BAIAP2L1: variants seen among roughly 807,000 people sequenced by gnomAD.
BAIAP2L1 encodes the protein BAR/IMD domain-containing adapter protein 2-like 1.
BAIAP2L1 carries 35 observed loss-of-function variants against 66.3 expected under a neutral mutation model. The observed-to-expected ratio is 0.53, with a 90% CI of 0.40 to 0.70. The LOEUF (loss-of-function observed/expected upper bound fraction) is 0.70. Among genes scored for constraint, BAIAP2L1 ranks in the 30% least tolerant of loss-of-function variants. The pLI, the probability that BAIAP2L1 is intolerant of heterozygous loss-of-function variation, is 0.00. For missense variants in BAIAP2L1, 622 were observed against 656.9 expected, an observed-to-expected ratio of 0.95 and a Z score of 0.58; for synonymous variants, 269 against 248.7, an observed-to-expected ratio of 1.08 and a Z score of -0.77.
intron 10 of BAIAP2L1, chr7:98,307,424 A>G: frequency 7.7e-7 from 1 of 1,307,166 alleles, no homozygotes; most frequent in Non-Finnish European, 9.8e-7. Flanking sequence ...ATTTTTTTTA[A>G]AAACAAAAGA....
Position 98,310,546 on chromosome 7 carries a change from G to T in BAIAP2L1, c.854C>A (p.Pro285His). The T allele has an allele frequency of 6.3e-7, 1 of 1,592,884 alleles. No homozygotes were observed. Among genetic ancestry groups the T allele is most frequent in the Non-Finnish European group, 8.5e-7 (1 of 1,174,082 alleles). The change falls in exon 9 of 14, where the codon CCC (proline) becomes CAC (histidine). Residue 285 changes from proline (P) to histidine (H), a missense_variant. Physicochemically the swap from Pro to His is moderately conservative, Grantham distance 77. Transcript: ENST00000005260. ...ATATGCTCTGCCTGAAGGAGCGGGG[G>T]GCATCTTTGGTGAGCATTTAGAAAG... ...DTLSKCSPKM[P>H]PAPSGRAYTS...
intron 3 of BAIAP2L1, among the ~76,000 whole-genome samples, chr7:98,352,655 C>T (rs951709517): frequency 6.6e-6 from 1 of 151,992 alleles, no homozygotes; most frequent in Admixed American, 6.6e-5. Flanking sequence ...AAAACAAAAA[C>T]AAAAAATACC....
chr7:98,295,814 T>A (rs1315326355), intron 12 of BAIAP2L1, among the ~76,000 whole-genome samples: 1 of 151,886 alleles, frequency 6.6e-6, no homozygotes, highest in African/African-American at 2.4e-5. Flanking sequence ...CACGGGACTT[T>A]AAAAAGGTCC....
At chr7:98,395,896 G>A (rs200603305) in intron 1 of BAIAP2L1, among the ~76,000 whole-genome samples, 5 of 151,994 alleles carry the variant, frequency 3.3e-5, no homozygotes, top group East Asian at 1.9e-4. Context: ...CGGGCATGGC[G>A]GTGCATGTGG....
intron 4 of BAIAP2L1, 34 bp from the exon 5 acceptor site, chr7:98,320,163 T>G: frequency 1.3e-6 from 2 of 1,598,254 alleles, no homozygotes; most frequent in Non-Finnish European, 1.7e-6. Context: ...CATACCAGGT[T>G]TGAGATTTTA....
chr7:98,386,567 G>A, intron 1 of BAIAP2L1: 10 of 1,596,470 alleles, frequency 6.3e-6, no homozygotes, highest in Non-Finnish European at 8.5e-6. Flanking sequence ...TAAGGCGCTT[G>A]TTCTTGCCAA....
chr7:98,374,569 TTA>T (rs748561760), intron 1 of BAIAP2L1, among the ~76,000 whole-genome samples: 40 of 152,288 alleles, frequency 2.6e-4, no homozygotes, highest in Non-Finnish European at 4.3e-4. Flanking sequence ...AAAATGCATT[TTA>T]TGAGATCAGA....
intron 1 of BAIAP2L1, among the ~76,000 whole-genome samples, chr7:98,364,966 G>T (rs1244203514): frequency 2.5e-5 from 3 of 118,574 alleles, no homozygotes; most frequent in Non-Finnish European, 4.9e-5. Flanking sequence ...CAATTTGGGT[G>T]ACAGAGTGAG....
chr7:98,370,863 A>T (rs1802496992), intron 1 of BAIAP2L1, among the ~76,000 whole-genome samples: 1 of 152,116 alleles, frequency 6.6e-6, no homozygotes, highest in Non-Finnish European at 1.5e-5. Flanking sequence ...TAGTTATTTT[A>T]GCTGAAGTAC....
intron 2 of BAIAP2L1, among the ~76,000 whole-genome samples, chr7:98,361,911 A>G (rs2115724756): frequency 6.6e-6 from 1 of 152,182 alleles, no homozygotes; most frequent in South Asian, 2.1e-4. Context: ...AATTTCATTC[A>G]AGCTAAAAAT....
chr7:98,293,436 G>T lies in BAIAP2L1; in HGVS notation c.*85C>A. The T allele has an allele frequency of 1.5e-6, 2 of 1,297,276 alleles. No homozygotes were observed. Among genetic ancestry groups the T allele is most frequent in the South Asian group, 1.2e-5 (1 of 83,188 alleles). The allele number at this position is 1,297,276 out of a possible 1,614,324, so 80.4% of individuals were successfully genotyped here. On this transcript the variant is annotated 3_prime_UTR_variant, in exon 14 of 14. Coordinates refer to ENST00000005260, the MANE Select transcript of BAIAP2L1 (RefSeq NM_018842.5). Reference sequence around the variant, plus strand: ...TTAGGCCTCTCCACTGAAGCTTCCCGACCGTCAGCACGTGGCAGACAGGAT... The same window carrying T: ...TTAGGCCTCTCCACTGAAGCTTCCCTACCGTCAGCACGTGGCAGACAGGAT...
chr7:98,354,124 C>T (rs923767103), intron 3 of BAIAP2L1, among the ~76,000 whole-genome samples: 1 of 151,970 alleles, frequency 6.6e-6, no homozygotes, highest in African/African-American at 2.4e-5. Context: ...CTGTGAGGAC[C>T]CAGATCGCCT....
At chr7:98,343,364 T>C (rs958387965) in intron 3 of BAIAP2L1, among the ~76,000 whole-genome samples, 2 of 151,612 alleles carry the variant, frequency 1.3e-5, no homozygotes, top group African/African-American at 2.4e-5. Context: ...CGTGGGAGAA[T>C]TGCTTGAGCC....
chr7:98,307,984 G>T (rs769688072), intron 9 of BAIAP2L1, 88 bp from the exon 10 acceptor site: 1 of 1,268,536 alleles, frequency 7.9e-7, no homozygotes, highest in Non-Finnish European at 1.2e-6. Context: ...GAATCCACCT[G>T]TTCTCATCTT....
At chr7:98,327,052 G>T (rs2115567302) in intron 3 of BAIAP2L1, among the ~76,000 whole-genome samples, 1 of 152,286 alleles carries the variant, frequency 6.6e-6, no homozygotes, top group African/African-American at 2.4e-5. Context: ...TAATCAGGGA[G>T]ATCTGGTATT....
At chr7:98,336,957 C>T (rs1801629711) in intron 3 of BAIAP2L1, among the ~76,000 whole-genome samples, 1 of 152,178 alleles carries the variant, frequency 6.6e-6, no homozygotes. Context: ...AGTCACTCAA[C>T]CTAAGCTTCC....
intron 1 of BAIAP2L1, among the ~76,000 whole-genome samples, chr7:98,383,605 A>C (rs1178477153): frequency 6.6e-6 from 1 of 152,094 alleles, no homozygotes; most frequent in Admixed American, 6.6e-5. Context: ...CAGTCTTAAA[A>C]GTAACATTTC....
intron 3 of BAIAP2L1, among the ~76,000 whole-genome samples, chr7:98,349,045 C>T (rs1801939824): frequency 6.6e-6 from 1 of 152,250 alleles, no homozygotes. Context: ...TCCCTACCAT[C>T]CCTGGAGGGG....
chr7:98,314,422 C>T (rs918452397), intron 7 of BAIAP2L1, among the ~76,000 whole-genome samples: 9 of 152,200 alleles, frequency 5.9e-5, no homozygotes, highest in Non-Finnish European at 1.2e-4. Flanking sequence ...TATATTGGAA[C>T]ACTCTCTAAC....
Sources: allele counts gnomAD v4.1 joint callset (sites outside exome capture counted in the v4.1 genomes callset), GRCh38; gene constraint gnomAD v4.1.1; transcripts MANE v1.5; gene names NCBI Gene and HGNC (gene_info 2026-07-23, HGNC 2026-07-21).